The following COBL variants were observed in gnomAD, a reference collection of about 807,000 sequenced individuals.
COBL encodes protein cordon-bleu.
A neutral mutation model predicts 98.8 loss-of-function variants in COBL; 51 were observed. That is an observed-to-expected ratio of 0.52 (90% CI 0.41 to 0.65). COBL has a LOEUF of 0.65. Among genes scored for constraint, COBL ranks in the 30% least tolerant of loss-of-function variants. The pLI is 0.00. For missense variants in COBL, 1,617 were observed against 1,617.5 expected (o/e 1.00, Z 0.01); for synonymous variants, 634 against 651.7 (o/e 0.97, Z 0.41).
In COBL at chr7:51,068,134, C is replaced by T. The variant is rs533983492; in HGVS notation, c.1096+17032G>A. Among the ~76,000 whole-genome samples the T allele has an allele frequency of 5.3e-5, 8 of 152,312 alleles. No individual in the cohort carries two copies. In the East Asian group the frequency reaches 7.7e-4, roughly 15 times the overall value. ...CGGTGGGCTGACCTCCTCTCAGCTACTTTTGGTAAACATGGTTTAAAGAAC... is the reference window on the plus strand; with the variant it reads ...CGGTGGGCTGACCTCCTCTCAGCTATTTTTGGTAAACATGGTTTAAAGAAC... On this transcript the variant is annotated intron_variant, in intron 7 of 12. Coordinates refer to ENST00000265136, the MANE Select transcript of COBL (RefSeq NM_015198.5).
At chr7:51,179,091 A>G (rs1329038770) in intron 5 of COBL, among the ~76,000 whole-genome samples, 5 of 152,202 alleles carry the variant, frequency 3.3e-5, no homozygotes, top group Non-Finnish European at 7.3e-5. Context: ...TCTCACATTG[A>G]ACTAACTTTT....
At chr7:51,161,238 C>G (rs901308773) in intron 5 of COBL, among the ~76,000 whole-genome samples, 1 of 152,222 alleles carries the variant, frequency 6.6e-6, no homozygotes, top group Non-Finnish European at 1.5e-5. Context: ...CAGCTCCACA[C>G]ATGCTTTGGG....
chr7:51,037,471 G>A (rs1465241510), intron 8 of COBL, among the ~76,000 whole-genome samples: 3 of 152,246 alleles, frequency 2.0e-5, no homozygotes, highest in Non-Finnish European at 4.4e-5. Context: ...TTAACTATTA[G>A]GAGCATTGGC....
rs543795220 is a variant in COBL at position 51,181,803 on chromosome 7, G to A, written c.783+2299C>T. 1.3e-4 allele frequency among the ~76,000 whole-genome samples: 19 copies of A among 151,952 alleles called. 1 individual carries two copies. The highest frequency in any genetic ancestry group is 3.9e-4 in the African/African-American group (16 of 41,426). On this transcript the variant is annotated intron_variant, in intron 5 of 12. Transcript: ENST00000265136. ...AAACAGAAAGTCCCTTGCAATCCACGAACGGGACTGGATCACTGACTGCGC... is the reference window on the plus strand; with the variant it reads ...AAACAGAAAGTCCCTTGCAATCCACAAACGGGACTGGATCACTGACTGCGC...
chr7:51,126,315 G>A (rs546032237), intron 6 of COBL, among the ~76,000 whole-genome samples: 61 of 152,184 alleles, frequency 4.0e-4, no homozygotes, highest in East Asian at 1.2e-3. Context: ...GCAACAGAGC[G>A]AGACTCCGTC....
chr7:51,259,680 T>C (rs1192380842), intron 1 of COBL: 1 of 737,736 alleles, frequency 1.4e-6, no homozygotes, highest in East Asian at 2.5e-5. Flanking sequence ...TGAGGGATGG[T>C]CTTATTCTTG....
intron 5 of COBL, chr7:51,156,698 T>TCACACACACACA (rs68039377): frequency 8.9e-5 from 15 of 169,330 alleles, no homozygotes; most frequent in South Asian, 6.3e-4. Context: ...AAACCACCCT[T>TCACACACACACA]CACACACACA....
chr7:51,177,366 T>C (rs944807725), intron 5 of COBL, among the ~76,000 whole-genome samples: 2 of 152,116 alleles, frequency 1.3e-5, no homozygotes, highest in Non-Finnish European at 2.9e-5. Context: ...TCACAAATAT[T>C]TGGGATACTA....
chr7:51,109,876 G>A (rs577979187), intron 6 of COBL, among the ~76,000 whole-genome samples: 12 of 152,244 alleles, frequency 7.9e-5, no homozygotes, highest in Admixed American at 5.9e-4. Context: ...AGGATGGAGC[G>A]CTGAGGCAGT....
At chr7:51,092,155 T>G (rs1456817739) in intron 6 of COBL, among the ~76,000 whole-genome samples, 1 of 152,208 alleles carries the variant, frequency 6.6e-6, no homozygotes, top group Non-Finnish European at 1.5e-5. Context: ...ATCTAGATTG[T>G]GCACTCCTTA....
At chr7:51,191,660 G>T (rs549846452) in intron 3 of COBL, among the ~76,000 whole-genome samples, 1 of 151,704 alleles carries the variant, frequency 6.6e-6, no homozygotes, top group South Asian at 2.1e-4. Flanking sequence ...CTACACACAC[G>T]TATTTAAGCT....
intron 6 of COBL, among the ~76,000 whole-genome samples, chr7:51,104,010 C>G (rs1432022729): frequency 6.6e-6 from 1 of 152,222 alleles, no homozygotes; most frequent in Non-Finnish European, 1.5e-5. Context: ...AATCAATAAG[C>G]CCAAAGTTTC....
At chr7:51,099,588 G>T (rs1795631694) in intron 6 of COBL, among the ~76,000 whole-genome samples, 1 of 152,172 alleles carries the variant, frequency 6.6e-6, no homozygotes, top group South Asian at 2.1e-4. Context: ...GAGCTTGAGG[G>T]AGGGGGAAAA....
In COBL at chr7:51,030,842, T is replaced by C. The variant is rs761434438; in HGVS notation, c.1474A>G (p.Thr492Ala). ...AGGTCTTCATCAAGTTCTGCAAGGGTTTTACGGAACTCTCCAGCAATTAAT... is the reference window on the plus strand; with the variant it reads ...AGGTCTTCATCAAGTTCTGCAAGGGCTTTACGGAACTCTCCAGCAATTAAT... ...DLLIAGEFRK[T>A]LAELDEDLEE... Residue 492 changes from threonine to alanine, a missense_variant, in exon 9 of 13, where the codon ACC becomes GCC. Coordinates refer to ENST00000265136, the MANE Select transcript of COBL (RefSeq NM_015198.5). 3 of 1,611,956 alleles carry C rather than the reference T, an allele frequency of 1.9e-6. No homozygotes were observed. The Admixed American group carries it at 5.0e-5, about 27-fold the overall frequency.
intron 4 of COBL, among the ~76,000 whole-genome samples, chr7:51,188,610 A>G (rs1397246019): frequency 6.6e-6 from 1 of 152,202 alleles, no homozygotes; most frequent in Non-Finnish European, 1.5e-5. Context: ...GGAAAGGGCC[A>G]AAATGTCCAA....
chr7:51,163,998 G>A (rs1339516763), intron 5 of COBL, among the ~76,000 whole-genome samples: 1 of 152,202 alleles, frequency 6.6e-6, no homozygotes, highest in South Asian at 2.1e-4. Context: ...TGAAAAAGGT[G>A]TAGTAACAAA....
chr7:51,080,475 C>T (rs192505422), intron 7 of COBL, among the ~76,000 whole-genome samples: 17 of 152,200 alleles, frequency 1.1e-4, no homozygotes, highest in Admixed American at 3.3e-4. Flanking sequence ...GATTGAGAGT[C>T]CGAGATCCCA....
chr7:51,269,675 A>G (rs1351742889), intron 1 of COBL, among the ~76,000 whole-genome samples: 1 of 152,248 alleles, frequency 6.6e-6, no homozygotes, highest in Non-Finnish European at 1.5e-5. Flanking sequence ...ACTTGGTTTC[A>G]CCATAACGAC....
At chr7:51,135,233 G>A (rs1208814294) in intron 6 of COBL, among the ~76,000 whole-genome samples, 2 of 152,180 alleles carry the variant, frequency 1.3e-5, no homozygotes, top group Non-Finnish European at 2.9e-5. Flanking sequence ...AAAGCGCCGG[G>A]ATTACAGGCG....
Sources: gnomAD v4.1 joint callset for allele counts (sites outside exome capture counted in the v4.1 genomes callset) on GRCh38, gnomAD v4.1.1 for gene constraint, MANE v1.5 for transcripts, NCBI Gene and HGNC (gene_info 2026-07-23, HGNC 2026-07-21) for gene names.